COL23A1: variants seen among roughly 807,000 people sequenced by gnomAD.
COL23A1 encodes collagen type XXIII alpha 1 chain.
Under a neutral mutation model 99.3 loss-of-function variants are expected in COL23A1, and 97 were observed. The observed-to-expected ratio is 0.98, with a 90% confidence interval of 0.83 to 1.16. The LOEUF (loss-of-function observed/expected upper bound fraction) is 1.16. Ranked by LOEUF, COL23A1 falls within the 50% of genes most tolerant of loss-of-function variation. The probability of loss-of-function intolerance (pLI) is 0.00; values close to 1 mark genes in which losing one functional copy is unlikely to be tolerated. For synonymous variants in COL23A1, 320 were observed against 308.2 expected, an observed-to-expected ratio of 1.04 and a Z score of -0.40; for missense variants, 762 against 757.4, an observed-to-expected ratio of 1.01 and a Z score of -0.07.
At chr5:178,296,895 G>A (rs750619976) in intron 3 of COL23A1, among the ~76,000 whole-genome samples, 8 of 152,128 alleles carry the variant, frequency 5.3e-5, no homozygotes, top group Non-Finnish European at 8.8e-5. Context: ...CAGCACCAGC[G>A]TCACAGCCTC....
chr5:178,279,873 G>A (rs893189756), intron 5 of COL23A1, among the ~76,000 whole-genome samples: 2 of 152,174 alleles, frequency 1.3e-5, no homozygotes, highest in Admixed American at 1.3e-4. Flanking sequence ...TCTGGGTAAC[G>A]GGAGCCCCGC....
At chr5:178,541,767 T>C (rs472238) in intron 2 of COL23A1, among the ~76,000 whole-genome samples, 72,099 of 152,036 alleles carry the variant, frequency 0.47, 19,500 homozygotes, top group African/African-American at 0.75. Flanking sequence ...CACAAATGAA[T>C]AACCCTCAAC....
chr5:178,539,490 G>A (rs757490850), intron 2 of COL23A1, among the ~76,000 whole-genome samples: 1 of 139,214 alleles, frequency 7.2e-6, no homozygotes, highest in Non-Finnish European at 1.5e-5. Flanking sequence ...AGGTTGCAGT[G>A]AGCTGAGATT....
intron 2 of COL23A1, among the ~76,000 whole-genome samples, chr5:178,390,591 C>G (rs527919845): frequency 1.3e-5 from 2 of 152,358 alleles, no homozygotes; most frequent in African/African-American, 4.8e-5. Flanking sequence ...CCTGAGTTAC[C>G]AAGCACCTGT....
chr5:178,322,554 C>T (rs1373101432), intron 2 of COL23A1, among the ~76,000 whole-genome samples: 3 of 152,230 alleles, frequency 2.0e-5, no homozygotes, highest in Middle Eastern at 3.4e-3. Context: ...TGACCTGGAA[C>T]GAGCTGGCTC....
At chr5:178,491,131 G>C (rs540367337) in intron 2 of COL23A1, among the ~76,000 whole-genome samples, 1 of 151,418 alleles carries the variant, frequency 6.6e-6, no homozygotes, top group Non-Finnish European at 1.5e-5. Flanking sequence ...CGGAGGAGAG[G>C]AGACAAAGAG....
intron 2 of COL23A1, among the ~76,000 whole-genome samples, chr5:178,330,473 T>C (rs1344870014): frequency 6.6e-6 from 1 of 152,104 alleles, no homozygotes; most frequent in African/African-American, 2.4e-5. Flanking sequence ...TTGGGCAACA[T>C]GGTGAGACCT....
At chr5:178,526,497 G>A (rs1367889765) in intron 2 of COL23A1, among the ~76,000 whole-genome samples, 2 of 152,190 alleles carry the variant, frequency 1.3e-5, no homozygotes, top group Non-Finnish European at 2.9e-5. Context: ...ACCCAGAGGC[G>A]AGCAAGCCCA....
chr5:178,339,197 C>T (rs1760515561), intron 2 of COL23A1, among the ~76,000 whole-genome samples: 1 of 152,218 alleles, frequency 6.6e-6, no homozygotes, highest in Admixed American at 6.5e-5. Flanking sequence ...CAGCACTCGT[C>T]TGGGTCCTTG....
At chr5:178,529,831 T>C (rs911501356) in intron 2 of COL23A1, among the ~76,000 whole-genome samples, 1 of 152,204 alleles carries the variant, frequency 6.6e-6, no homozygotes, top group African/African-American at 2.4e-5. Flanking sequence ...AAAGGGCCAG[T>C]AGAAGCGTGT....
At chr5:178,291,840 T>C (rs1401037112) in intron 3 of COL23A1, among the ~76,000 whole-genome samples, 1 of 151,942 alleles carries the variant, frequency 6.6e-6, no homozygotes, top group Non-Finnish European at 1.5e-5. Flanking sequence ...ACAAGGATTT[T>C]TGGCTTGAAA....
chr5:178,472,981 G>T (rs1220010320), intron 2 of COL23A1, among the ~76,000 whole-genome samples: 1 of 152,134 alleles, frequency 6.6e-6, no homozygotes. Context: ...AAAATTAGCG[G>T]ATGTGGTCAC....
At chr5:178,368,626 A>T (rs7445039) in intron 2 of COL23A1, among the ~76,000 whole-genome samples, 1 of 152,026 alleles carries the variant, frequency 6.6e-6, no homozygotes, top group Non-Finnish European at 1.5e-5. Context: ...TAGTGACTTG[A>T]GCAGGGGAAG....
At chr5:178,339,364 A>G (rs1760527390) in intron 2 of COL23A1, among the ~76,000 whole-genome samples, 1 of 152,170 alleles carries the variant, frequency 6.6e-6, no homozygotes, top group Non-Finnish European at 1.5e-5. Context: ...CCCATCCAAT[A>G]CATTCTGTCC....
intron 2 of COL23A1, among the ~76,000 whole-genome samples, chr5:178,547,475 ACCC>A (rs1562076341): frequency 7.6e-6 from 1 of 131,394 alleles, no homozygotes; most frequent in African/African-American, 2.9e-5. Flanking sequence ...ACACCCACAC[ACCC>A]ACACACACAC....
chr5:178,554,799 C>T (rs985979400), intron 2 of COL23A1, among the ~76,000 whole-genome samples: 4 of 151,928 alleles, frequency 2.6e-5, no homozygotes, highest in African/African-American at 9.7e-5. Flanking sequence ...AGGCACCTGC[C>T]CCAAGCCAGG....
At chr5:178,386,826 T>C (rs1359437671) in intron 2 of COL23A1, among the ~76,000 whole-genome samples, 1 of 152,214 alleles carries the variant, frequency 6.6e-6, no homozygotes, top group African/African-American at 2.4e-5. Context: ...CGCACACTCC[T>C]ATGGCCGTGG....
chr5:178,422,628 C>A (rs1324038854), intron 2 of COL23A1, among the ~76,000 whole-genome samples: 1 of 152,114 alleles, frequency 6.6e-6, no homozygotes, highest in Non-Finnish European at 1.5e-5. Context: ...AGCACCTACC[C>A]ACTCACCCAC....
intron 2 of COL23A1, among the ~76,000 whole-genome samples, chr5:178,433,789 C>T (rs1008415993): frequency 6.6e-6 from 1 of 152,214 alleles, no homozygotes. Flanking sequence ...CTTAAATTCA[C>T]ATATTGACGT....
Sources: allele counts gnomAD v4.1 joint callset (sites outside exome capture counted in the v4.1 genomes callset), GRCh38; gene constraint gnomAD v4.1.1; transcripts MANE v1.5; gene names NCBI Gene and HGNC (gene_info 2026-07-23, HGNC 2026-07-21).